RIPOR3: variants seen among roughly 807,000 people sequenced by gnomAD.
RIPOR3 encodes the protein family with sequence similarity 65 member C.
RIPOR3 carries 95 observed loss-of-function variants against 114.3 expected under a neutral mutation model. That is an observed-to-expected ratio of 0.83 (90% confidence interval 0.70 to 0.99). The LOEUF (loss-of-function observed/expected upper bound fraction) is 0.99. Ranked by LOEUF, RIPOR3 falls within the 50% of genes least tolerant of loss-of-function variation. The pLI is 0.00. For missense variants in RIPOR3, 1,252 were observed against 1,266.9 expected, an observed-to-expected ratio of 0.99 and a Z score of 0.18; for synonymous variants, 575 against 543.8, an observed-to-expected ratio of 1.06 and a Z score of -0.80.
At chr20:50,599,765 C>G (rs2083432310) in intron 13 of RIPOR3, among the ~76,000 whole-genome samples, 1 of 152,160 alleles carries the variant, frequency 6.6e-6, no homozygotes, top group African/African-American at 2.4e-5. Context: ...CCAAAACCCA[C>G]TTTGGAATCG....
At chr20:50,599,644 A>G (rs2083428459) in intron 13 of RIPOR3, among the ~76,000 whole-genome samples, 1 of 151,984 alleles carries the variant, frequency 6.6e-6, no homozygotes, top group Non-Finnish European at 1.5e-5. Context: ...CCATGAGGAC[A>G]CTTGTTTACC....
intron 2 of RIPOR3, chr20:50,621,130 AAAAAG>A (rs1440664619): frequency 2.7e-6 from 1 of 372,178 alleles, no homozygotes; most frequent in African/African-American, 2.2e-5. Context: ...CAAAAAAAAA[AAAAAG>A]AACAGTAATA....
chr20:50,608,534 C>T lies in RIPOR3; in HGVS notation c.811G>A (p.Val271Met). 6.2e-7 allele frequency: 1 copy of T among 1,613,796 alleles called. No homozygotes were observed. ...GAGCCCAGGCCCCGCAACTCCGTCA[C>T]CTGGGGGTGGGGGCTGGAGGGTGGT... The part of the protein sequence containing the change: ...PTLHENLDIK[V>M]TELRGLGSLA... Residue 271 changes from valine (V) to methionine (M), a missense_variant and splice_region_variant, in exon 11 of 22, where the codon GTG (valine) becomes ATG (methionine). Coordinates refer to ENST00000327979, the MANE Select transcript of RIPOR3 (RefSeq NM_001290268.2).
At chr20:50,621,599 C>T (rs941835564) in intron 2 of RIPOR3, among the ~76,000 whole-genome samples, 5 of 152,154 alleles carry the variant, frequency 3.3e-5, no homozygotes, top group African/African-American at 1.2e-4. Flanking sequence ...AGTGTTTTTT[C>T]CCCTGGCATT....
At chr20:50,679,777 A>AG (rs1222006270) in intron 1 of RIPOR3, among the ~76,000 whole-genome samples, 44 of 149,564 alleles carry the variant, frequency 2.9e-4, no homozygotes, top group Admixed American at 1.0e-3. Context: ...TCAAAAAAAA[A>AG]AAAACCGTCT....
chr20:50,667,581 C>A (rs760570571), intron 1 of RIPOR3, among the ~76,000 whole-genome samples: 1 of 152,116 alleles, frequency 6.6e-6, no homozygotes, highest in Non-Finnish European at 1.5e-5. Flanking sequence ...CGTGAGCCAC[C>A]GCGCCCGGCC....
intron 1 of RIPOR3, among the ~76,000 whole-genome samples, chr20:50,659,233 A>G (rs1303957082): frequency 6.6e-6 from 1 of 152,202 alleles, no homozygotes; most frequent in Non-Finnish European, 1.5e-5. Flanking sequence ...GATGGTGGAC[A>G]CATGTGCTTG....
intron 1 of RIPOR3, among the ~76,000 whole-genome samples, chr20:50,686,157 C>T (rs890154914): frequency 9.9e-5 from 15 of 151,858 alleles, no homozygotes; most frequent in African/African-American, 2.9e-4. Context: ...CCCGGGTTCA[C>T]GCCATTCTCC....
intron 1 of RIPOR3, among the ~76,000 whole-genome samples, chr20:50,666,778 C>G (rs1190557023): frequency 1.3e-5 from 2 of 151,692 alleles, no homozygotes; most frequent in East Asian, 1.9e-4. Flanking sequence ...CCAGGCTGGT[C>G]TCTAACTCCT....
chr20:50,686,660 A>G (rs886925023), intron 1 of RIPOR3, among the ~76,000 whole-genome samples: 1 of 151,640 alleles, frequency 6.6e-6, no homozygotes. Flanking sequence ...CTGAGACAGG[A>G]GAATCACTTG....
intron 1 of RIPOR3, among the ~76,000 whole-genome samples, chr20:50,654,227 C>T (rs528374517): frequency 5.9e-4 from 90 of 151,520 alleles, no homozygotes; most frequent in African/African-American, 2.1e-3. Context: ...AGTACAGTGG[C>T]GCAATATCGG....
intron 13 of RIPOR3, among the ~76,000 whole-genome samples, chr20:50,598,276 GGA>G (rs959285938): frequency 5.9e-5 from 9 of 152,110 alleles, no homozygotes; most frequent in African/African-American, 1.9e-4. Context: ...ACAGATTAAG[GGA>G]GAGTGTTGGG....
chr20:50,590,408 G>A (rs2083072536), intron 19 of RIPOR3, among the ~76,000 whole-genome samples: 1 of 152,256 alleles, frequency 6.6e-6, no homozygotes, highest in South Asian at 2.1e-4. Context: ...ACCCAGGAGT[G>A]GGTTTGCCCT....
chr20:50,606,050 A>T (rs557558134), intron 11 of RIPOR3, among the ~76,000 whole-genome samples: 53 of 152,078 alleles, frequency 3.5e-4, no homozygotes, highest in Non-Finnish European at 6.8e-4. Flanking sequence ...CTAAAAACAT[A>T]AAAAAATTAG....
chr20:50,651,917 C>A (rs1320148264), intron 1 of RIPOR3, among the ~76,000 whole-genome samples: 1 of 152,152 alleles, frequency 6.6e-6, no homozygotes, highest in South Asian at 2.1e-4. Flanking sequence ...AACAGAAAAC[C>A]ACAACTTCAG....
chr20:50,687,426 G>C (rs775606053), intron 1 of RIPOR3, among the ~76,000 whole-genome samples: 2 of 152,256 alleles, frequency 1.3e-5, no homozygotes, highest in African/African-American at 2.4e-5. Context: ...ACTGAGGACT[G>C]TTCAGGAGAC....
chr20:50,622,954 G>A (rs1292354945), intron 2 of RIPOR3, among the ~76,000 whole-genome samples: 2 of 152,176 alleles, frequency 1.3e-5, no homozygotes, highest in East Asian at 3.9e-4. Flanking sequence ...CTTTCCCCTG[G>A]CTCACAGCTT....
intron 2 of RIPOR3, among the ~76,000 whole-genome samples, chr20:50,623,113 T>C (rs1449292306): frequency 6.6e-6 from 1 of 151,534 alleles, no homozygotes; most frequent in Admixed American, 6.6e-5. Context: ...AACAAAAAAT[T>C]AGCCAGGCGT....
chr20:50,648,500 A>G (rs890719710), intron 1 of RIPOR3, among the ~76,000 whole-genome samples: 3 of 111,102 alleles, frequency 2.7e-5, no homozygotes, highest in African/African-American at 1.0e-4. Context: ...GTGGAAGACA[A>G]TTTTTCCACT....
Sources: allele counts gnomAD v4.1 joint callset (sites outside exome capture counted in the v4.1 genomes callset), GRCh38; gene constraint gnomAD v4.1.1; transcripts MANE v1.5; gene names NCBI Gene and HGNC (gene_info 2026-07-23, HGNC 2026-07-21).